CCDC22: variants seen among roughly 807,000 people sequenced by gnomAD.
CCDC22 encodes coiled-coil domain-containing protein 22.
CCDC22 carries 4 observed loss-of-function variants against 53.1 expected under a neutral mutation model. The observed-to-expected ratio is 0.08, with a 90% confidence interval of 0.04 to 0.17. The LOEUF (loss-of-function observed/expected upper bound fraction) is 0.17. Ranked by LOEUF, CCDC22 falls within the 10% of genes least tolerant of loss-of-function variation. CCDC22 has a pLI of 1.00. For synonymous variants in CCDC22, 222 were observed against 224.4 expected (o/e 0.99, Z 0.10); for missense variants, 458 against 554.0 (o/e 0.83, Z 1.74).
rs1433136327 is a variant in CCDC22 at position 49,241,868 on chromosome X, C to G, written c.229-148C>G. The G allele has an allele frequency of 3.2e-5, 17 of 527,894 alleles. 1 individual carries two copies. The Admixed American group carries it at 5.4e-4, about 17-fold the overall frequency. The allele number at this position is 527,894 out of a possible 1,213,427, so 43.5% of individuals were successfully genotyped here. On this transcript the variant is annotated intron_variant, in intron 2 of 16. Coordinates refer to ENST00000376227, the MANE Select transcript of CCDC22 (RefSeq NM_014008.5). ...CGTTGACTATCATCACTCTGTGACT[C>G]CCCCCAGGGCCCAGAGGCCTTGGGG...
At chrX:49,244,745 G>A (rs781979446) in intron 6 of CCDC22, among the ~76,000 whole-genome samples, 22 of 111,372 alleles carry the variant, frequency 2.0e-4, no homozygotes, top group African/African-American at 6.9e-4. Flanking sequence ...TGTAGAGATG[G>A]GGTTTTGCCA....
At chrX:49,246,963 G>A (rs782623869) in intron 7 of CCDC22, 38 bp downstream of exon 7, 151 of 1,101,771 alleles carry the variant, frequency 1.4e-4, no homozygotes, top group Middle Eastern at 4.8e-4. Context: ...GTGGATGGGC[G>A]TGGCAGGCTT....
chrX:49,240,791 A>G (rs1445066738), intron 2 of CCDC22, among the ~76,000 whole-genome samples: 1 of 111,970 alleles, frequency 8.9e-6, no homozygotes, highest in East Asian at 2.8e-4. Flanking sequence ...ATGAGTTTCT[A>G]TATCAGTCAC....
At chrX:49,249,003 A>G in intron 13 of CCDC22, 79 bp downstream of exon 13, 1 of 1,161,112 alleles carries the variant, frequency 8.6e-7, no homozygotes, top group Non-Finnish European at 1.2e-6. Context: ...TCACACCCTC[A>G]GGCAGAGCTG....
chrX:49,237,927 T>A (rs1887233904), intron 2 of CCDC22, among the ~76,000 whole-genome samples: 1 of 107,767 alleles, frequency 9.3e-6, no homozygotes. Flanking sequence ...ACCCAACTAA[T>A]TTTCATGTTT....
At position 49,250,270 on chromosome X, in the gene CCDC22, C is replaced by T. The variant is rs1369425296; in HGVS notation, c.*9C>T. 2.9e-5 allele frequency: 29 copies of T among 988,384 alleles called. No homozygotes were observed. Among genetic ancestry groups the T allele is most frequent in the Admixed American group, 1.6e-4 (6 of 38,362 alleles). 81.5% of individuals were successfully genotyped at this position (988,384 alleles called of 1,213,427 possible). ...GGGTCCGGGAGGCCTGAGGAGCCGC[C>T]GGCAGAGGTCTCTCCCCAGCCTCAG... On this transcript the variant is annotated 3_prime_UTR_variant, in exon 17 of 17. Coordinates refer to ENST00000376227, the MANE Select transcript of CCDC22 (RefSeq NM_014008.5).
intron 3 of CCDC22, 168 bp downstream of exon 3, chrX:49,242,316 A>T: frequency 1.3e-6 from 1 of 750,341 alleles, no homozygotes; most frequent in Non-Finnish European, 1.6e-6. Context: ...GAGGGGCTAC[A>T]GGGCAGGGGG....
At chrX:49,238,396 A>T (rs997522879) in intron 2 of CCDC22, among the ~76,000 whole-genome samples, 2 of 111,244 alleles carry the variant, frequency 1.8e-5, no homozygotes, top group African/African-American at 6.5e-5. Flanking sequence ...TCATTCCTAT[A>T]GGACACTGTG....
rs1557115021 is a variant in CCDC22, at chrX:49,249,541, C to G, written c.1668C>G (p.Ala556=). The G allele has an allele frequency of 8.8e-7, 1 of 1,133,164 alleles. No homozygotes were observed. The highest frequency in any genetic ancestry group is 1.2e-6 in the Non-Finnish European group (1 of 852,584). 93.4% of individuals were successfully genotyped at this position (1,133,164 alleles called of 1,213,427 possible). A position where few individuals can be genotyped will look rare whatever the true frequency, so the allele number is the denominator to read the frequency against. The stretch of plus-strand genomic sequence containing the variant: ...AGAAGGACGATGCTGTTCGGAAGGC[C>G]TATAAGTATCTAGCTGCTCTGCACG... ...DAKKDDAVRK[A]YKYLAALHEN... Residue 556 remains alanine, a synonymous_variant, in exon 15 of 17, where the codon GCC becomes GCG. Coordinates refer to ENST00000376227, the MANE Select transcript of CCDC22 (RefSeq NM_014008.5).
At chrX:49,242,817 T>G in intron 3 of CCDC22, 69 bp from the exon 4 acceptor site, 2 of 648,200 alleles carry the variant, frequency 3.1e-6, no homozygotes. Context: ...TGGAGGCTGG[T>G]CTCCTAGGGT....
At chrX:49,236,562 G>A (rs1240393436) in intron 1 of CCDC22, among the ~76,000 whole-genome samples, 2 of 110,797 alleles carry the variant, frequency 1.8e-5, no homozygotes, top group Non-Finnish European at 3.8e-5. Context: ...CCTGACGCAC[G>A]AAGACTCCTC....
chrX:49,238,569 A>T (rs2065949659), intron 2 of CCDC22, among the ~76,000 whole-genome samples: 1 of 112,744 alleles, frequency 8.9e-6, no homozygotes. Context: ...GACAGAATAA[A>T]TAAAGTGCTT....
intron 13 of CCDC22, 67 bp downstream of exon 13, chrX:49,248,991 C>A: frequency 4.3e-6 from 5 of 1,167,819 alleles, no homozygotes; most frequent in Non-Finnish European, 5.7e-6. Context: ...CGCACAGGGA[C>A]CTCACACCCT....
chrX:49,248,677 G>C lies in CCDC22; in HGVS notation c.1374G>C (p.Gln458His). ...RRLAEIQELHQSVRAAAEEAR... is the reference protein window; with the variant it reads ...RRLAEIQELHHSVRAAAEEAR... ...TGGCAGAGATCCAAGAACTGCACCA[G>C]AGTGTCCGGGCGGCTGCTGAAGAGG... Residue 458 changes from glutamine to histidine, a missense_variant, in exon 12 of 17, where the codon CAG becomes CAC. Transcript: ENST00000376227. 8.3e-7 allele frequency: 1 copy of C among 1,211,045 alleles called. No homozygotes were observed. The highest frequency in any genetic ancestry group is 1.1e-6 in the Non-Finnish European group (1 of 895,283).
intron 6 of CCDC22, among the ~76,000 whole-genome samples, chrX:49,246,393 T>G (rs1422846896): frequency 3.6e-5 from 4 of 112,381 alleles, no homozygotes; most frequent in African/African-American, 1.3e-4. Context: ...TTGGTACCTT[T>G]GATTCCCTGT....
At chrX:49,246,420 G>A (rs1020448426) in intron 6 of CCDC22, among the ~76,000 whole-genome samples, 2 of 111,686 alleles carry the variant, frequency 1.8e-5, no homozygotes, top group Non-Finnish European at 3.8e-5. Flanking sequence ...CCTGTCCCCC[G>A]ATATCCTGTC....
In CCDC22 at chrX:49,242,902, C is replaced by T. The variant is rs2065970877; in HGVS notation, c.378C>T (p.Leu126=). ...ADQPAGDSAI[L]LRAIGSQIRD... ...CCCCCATAGGTGACTCAGCTATTCT[C>T]CTCCGGGCCATTGGGAGCCAAATTC... The change falls in exon 4 of 17, where the codon CTC becomes CTT. Residue 126 remains leucine, a synonymous_variant. Coordinates refer to ENST00000376227, the MANE Select transcript of CCDC22 (RefSeq NM_014008.5). 8.7e-7 allele frequency: 1 copy of T among 1,154,959 alleles called. No individual in the cohort carries two copies. The highest frequency in any genetic ancestry group is 1.2e-6 in the Non-Finnish European group (1 of 865,871).
At chrX:49,244,272 C>T (rs2065978278) in intron 6 of CCDC22, among the ~76,000 whole-genome samples, 1 of 110,597 alleles carries the variant, frequency 9.0e-6, no homozygotes, top group Non-Finnish European at 1.9e-5. Flanking sequence ...ATCTGTTCCC[C>T]CTTCTCCTCT....
rs782691251 is a variant in CCDC22, at chrX:49,237,222, G to T, written c.187G>T (p.Ala63Ser). 1 of 1,210,724 alleles carries T rather than the reference G, an allele frequency of 8.3e-7. No individual in the cohort carries two copies. Among genetic ancestry groups the T allele is most frequent in the Non-Finnish European group, 1.1e-6 (1 of 894,982 alleles). ...LSPLLPLAMS[A>S]RFRLAMSLAQ... ...CCCTCTGCTGCCTCTTGCCATGTCT[G>T]CCCGGTTCCGCCTGGCCATGAGCCT... is the stretch of plus-strand genomic sequence containing the variant. The change falls in exon 2 of 17, where the codon GCC becomes TCC. Residue 63 changes from alanine to serine, a missense_variant. This residue lies in a region of CCDC22 where 55 missense variants were observed against 106.0 expected (regional missense o/e 0.52). Transcript: ENST00000376227.
Sources: gnomAD v4.1 joint callset for allele counts (sites outside exome capture counted in the v4.1 genomes callset) on GRCh38, gnomAD v4.1.1 for gene constraint, gnomAD v4.1.1 regional missense constraint, MANE v1.5 for transcripts, NCBI Gene and HGNC (gene_info 2026-07-23, HGNC 2026-07-21) for gene names.